The following JAK1 variants were observed in gnomAD, a reference collection of about 807,000 sequenced individuals.
JAK1 encodes the protein tyrosine-protein kinase JAK1.
Under a neutral mutation model 136.6 loss-of-function variants are expected in JAK1, and 16 were observed. The observed-to-expected ratio is 0.12, with a 90% CI of 0.08 to 0.18. JAK1 has a LOEUF of 0.18. JAK1 is among the 10% of genes least tolerant of loss of function. The pLI, the probability that JAK1 is intolerant of heterozygous loss-of-function variation, is 1.00. For missense variants in JAK1, 859 were observed against 1,450.1 expected, an observed-to-expected ratio of 0.59 and a Z score of 6.62; for synonymous variants, 492 against 519.5, an observed-to-expected ratio of 0.95 and a Z score of 0.72.
At chr1:65,014,823 T>G (rs1371605777) in intron 2 of JAK1, among the ~76,000 whole-genome samples, 1 of 152,152 alleles carries the variant, frequency 6.6e-6, no homozygotes, top group East Asian at 1.9e-4. Flanking sequence ...TAGCTGGGAC[T>G]ACAGGCGCCC....
intron 14 of JAK1, among the ~76,000 whole-genome samples, chr1:64,845,972 C>T (rs1570623761): frequency 6.6e-6 from 1 of 152,370 alleles, no homozygotes; most frequent in South Asian, 2.1e-4. Flanking sequence ...CAACCGCCAC[C>T]ACTGCTGCTG....
chr1:64,927,371 CT>C (rs1224863757), intron 1 of JAK1, among the ~76,000 whole-genome samples: 2 of 152,068 alleles, frequency 1.3e-5, no homozygotes, highest in East Asian at 1.9e-4. Flanking sequence ...GTCTGTCTTC[CT>C]TTTTTTTCCA....
chr1:64,932,041 T>C (rs1267944572), intron 1 of JAK1, among the ~76,000 whole-genome samples: 2 of 152,162 alleles, frequency 1.3e-5, no homozygotes, highest in African/African-American at 4.8e-5. Context: ...ACCATATAAC[T>C]GGATCCTCTG....
intron 1 of JAK1, among the ~76,000 whole-genome samples, chr1:65,050,277 T>A (rs555538388): frequency 6.6e-6 from 1 of 152,210 alleles, no homozygotes; most frequent in Non-Finnish European, 1.5e-5. Flanking sequence ...ATTAAAAATA[T>A]GCACCCGCAA....
chr1:64,900,581 G>A (rs1383670541), intron 1 of JAK1, among the ~76,000 whole-genome samples: 1 of 152,126 alleles, frequency 6.6e-6, no homozygotes, highest in African/African-American at 2.4e-5. Flanking sequence ...AGCCCTAATC[G>A]TTCTAACTCT....
At chr1:64,847,980 CAG>C in intron 12 of JAK1, 1 of 284,866 alleles carries the variant, frequency 3.5e-6, no homozygotes, top group Non-Finnish European at 6.6e-6. Context: ...ACACTGCAAA[CAG>C]GGCCATCAAC....
chr1:64,968,639 A>T (rs1646421046), upstream of JAK1, among the ~76,000 whole-genome samples: 2 of 152,070 alleles, frequency 1.3e-5, no homozygotes, highest in South Asian at 2.1e-4. Context: ...AAAAACAAAC[A>T]AACAAACAAA....
rs1300071506 is a variant in JAK1, at chr1:64,844,235, C to T, written c.2252-20G>A. On this transcript the variant is annotated intron_variant, in intron 16 of 24. Coordinates refer to ENST00000342505, the MANE Select transcript of JAK1 (RefSeq NM_002227.4). The surrounding 1 kb of genome is among the most constrained non-coding windows in gnomAD (Gnocchi z 5.7). Reference sequence around the variant, plus strand: ...TGCATTCTGGAAGACAACAGACACACTGATGGAGCAGTTTCTGGGATCTCC... The same window carrying T: ...TGCATTCTGGAAGACAACAGACACATTGATGGAGCAGTTTCTGGGATCTCC... 6.2e-7 allele frequency: 1 copy of T among 1,613,958 alleles called. No individual in the cohort carries two copies. The highest frequency in any genetic ancestry group is 2.2e-5 in the East Asian group (1 of 44,902).
intron 1 of JAK1, among the ~76,000 whole-genome samples, chr1:65,046,763 T>A (rs1288503625): frequency 6.6e-6 from 1 of 151,714 alleles, no homozygotes; most frequent in Admixed American, 6.6e-5. Context: ...TTGGTCAGGC[T>A]GGTGTCGAAC....
At chr1:64,860,826 CTGTG>C (rs72032330) in intron 8 of JAK1, among the ~76,000 whole-genome samples, 11,360 of 118,912 alleles carry the variant, frequency 0.096, 1,291 homozygotes, top group African/African-American at 0.25. Context: ...TCAGATGACT[CTGTG>C]TGTGTGTGTG....
At chr1:64,848,164 T>C (rs1483831539) in intron 12 of JAK1, 2 of 154,892 alleles carry the variant, frequency 1.3e-5, no homozygotes, top group Non-Finnish European at 2.9e-5. Flanking sequence ...TTTCTGCAAA[T>C]GGAGGTAATA....
intron 2 of JAK1, among the ~76,000 whole-genome samples, chr1:64,975,803 G>A (rs1646493350): frequency 6.6e-6 from 1 of 152,166 alleles, no homozygotes; most frequent in South Asian, 2.1e-4. Context: ...AGGAGATCTG[G>A]GTTCCACACA....
upstream of JAK1, among the ~76,000 whole-genome samples, chr1:64,966,949 G>A (rs1646397553): frequency 6.6e-6 from 1 of 151,950 alleles, no homozygotes; most frequent in Non-Finnish European, 1.5e-5. Flanking sequence ...CCCCAGCTCA[G>A]TAGGAGAGGA....
intron 1 of JAK1, among the ~76,000 whole-genome samples, chr1:64,962,811 T>A (rs1646306437): frequency 6.6e-6 from 1 of 152,174 alleles, no homozygotes; most frequent in African/African-American, 2.4e-5. Flanking sequence ...CTCACGCCTG[T>A]AATCCCAGCA....
In JAK1 at chr1:64,833,415, T is replaced by TAA. The variant is rs2100917485; in HGVS notation, c.*1145_*1146dup. Reference sequence around the variant, plus strand: ...AAAAGTAACAATATCAAACGAATACTAAACAGCATAACAAAAAGATTTTCA... The same window carrying TAA: ...AAAAGTAACAATATCAAACGAATACTAAAAACAGCATAACAAAAAGATTTTCA... On this transcript the variant is annotated 3_prime_UTR_variant, in exon 25 of 25. Coordinates refer to ENST00000342505, the MANE Select transcript of JAK1 (RefSeq NM_002227.4). The TAA allele has an allele frequency of 4.3e-6, 1 of 232,928 alleles. No homozygotes were observed. The highest frequency in any genetic ancestry group is 6.1e-5 in the East Asian group (1 of 16,504). The allele number at this position is 232,928 out of a possible 1,614,324, so 14.4% of individuals were successfully genotyped here.
At chr1:64,983,572 AT>A (rs1310288866) in intron 2 of JAK1, among the ~76,000 whole-genome samples, 10 of 152,196 alleles carry the variant, frequency 6.6e-5, no homozygotes. Flanking sequence ...AGAACCAATT[AT>A]TTTAGGTTTC....
chr1:64,879,801 T>C (rs1325600174), intron 3 of JAK1, among the ~76,000 whole-genome samples: 1 of 152,206 alleles, frequency 6.6e-6, no homozygotes, highest in African/African-American at 2.4e-5. Context: ...TTCACAAAGC[T>C]GGCCCAACAG....
intron 1 of JAK1, among the ~76,000 whole-genome samples, chr1:64,892,364 T>C (rs1557669117): frequency 6.6e-6 from 1 of 152,094 alleles, no homozygotes; most frequent in Non-Finnish European, 1.5e-5. Flanking sequence ...CACTGCAGCC[T>C]TGACCTCCTG....
intron 1 of JAK1, among the ~76,000 whole-genome samples, chr1:65,053,979 G>A (rs553528169): frequency 6.6e-6 from 1 of 152,332 alleles, no homozygotes; most frequent in African/African-American, 2.4e-5. Flanking sequence ...TGTGTAGTAT[G>A]ATCAAGGTAG....
Sources: gnomAD v4.1 joint callset for allele counts (sites outside exome capture counted in the v4.1 genomes callset) on GRCh38, gnomAD v4.1.1 for gene constraint, Gnocchi (gnomAD v3.1) non-coding constraint, MANE v1.5 for transcripts, NCBI Gene and HGNC (gene_info 2026-07-23, HGNC 2026-07-21) for gene names.